PRKG1: variants seen among roughly 807,000 people sequenced by gnomAD.
PRKG1 encodes cGMP-dependent protein kinase 1.
PRKG1 carries 35 observed loss-of-function variants against 88.1 expected under a neutral mutation model. That is an observed-to-expected ratio of 0.40 (90% CI 0.30 to 0.53). The LOEUF (loss-of-function observed/expected upper bound fraction) is 0.53, where lower values mean the gene tolerates loss of function less well. PRKG1 is among the 20% of genes least tolerant of loss of function. The probability of loss-of-function intolerance (pLI) is 0.59; values close to 1 mark genes in which losing one functional copy is unlikely to be tolerated. For missense variants in PRKG1, 540 were observed against 839.8 expected (o/e 0.64, Z 4.41); for synonymous variants, 303 against 292.5 (o/e 1.04, Z -0.37).
At chr10:51,084,625 A>G (rs1242394925) in intron 1 of PRKG1, among the ~76,000 whole-genome samples, 2 of 152,206 alleles carry the variant, frequency 1.3e-5, no homozygotes, top group African/African-American at 4.8e-5. Flanking sequence ...GGCATAAAAC[A>G]TGAGTAAATA....
chr10:51,921,454 T>C (rs1191249049), intron 5 of PRKG1, among the ~76,000 whole-genome samples: 2 of 152,134 alleles, frequency 1.3e-5, no homozygotes, highest in Non-Finnish European at 2.9e-5. Context: ...TAATGCTGAA[T>C]AGGAGTGGTG....
chr10:52,030,694 T>C (rs966411737), intron 5 of PRKG1, among the ~76,000 whole-genome samples: 5 of 152,164 alleles, frequency 3.3e-5, no homozygotes, highest in African/African-American at 7.2e-5. Context: ...AGTTATCACA[T>C]AGGACACGAC....
intron 8 of PRKG1, among the ~76,000 whole-genome samples, chr10:52,139,469 A>G (rs1253388334): frequency 6.6e-6 from 1 of 151,904 alleles, no homozygotes; most frequent in Non-Finnish European, 1.5e-5. Context: ...GTCTTCCTCC[A>G]TTTCCTGTTA....
intron 9 of PRKG1, among the ~76,000 whole-genome samples, chr10:52,226,592 C>T (rs1260392378): frequency 6.6e-6 from 1 of 152,038 alleles, no homozygotes; most frequent in Non-Finnish European, 1.5e-5. Flanking sequence ...TGTGTCATAA[C>T]CAGACATACA....
At chr10:51,074,409 C>T (rs1843890759), upstream of PRKG1, 1 of 1,431,552 alleles carries the variant, frequency 7.0e-7, no homozygotes, top group South Asian at 1.5e-5. Flanking sequence ...TGCACTGAAA[C>T]TCTGGGTGGC....
At chr10:52,115,378 G>C (rs1246495841) in intron 7 of PRKG1, among the ~76,000 whole-genome samples, 1 of 152,068 alleles carries the variant, frequency 6.6e-6, no homozygotes, top group Admixed American at 6.6e-5. Context: ...TCGCAAAGGT[G>C]ATAGTCTTAT....
At chr10:52,272,133 G>T (rs1432633339) in intron 11 of PRKG1, among the ~76,000 whole-genome samples, 1 of 152,046 alleles carries the variant, frequency 6.6e-6, no homozygotes. Context: ...GGAATGGAAA[G>T]AATCCCAAGA....
At chr10:51,145,267 T>C (rs1845916883) in intron 1 of PRKG1, among the ~76,000 whole-genome samples, 1 of 152,178 alleles carries the variant, frequency 6.6e-6, no homozygotes, top group South Asian at 2.1e-4. Flanking sequence ...TTCTGAGAAA[T>C]TTCAATTATT....
chr10:51,946,615 TGG>T (rs1306904168), intron 5 of PRKG1, among the ~76,000 whole-genome samples: 1 of 152,058 alleles, frequency 6.6e-6, no homozygotes, highest in Non-Finnish European at 1.5e-5. Context: ...TCTTTGATGA[TGG>T]TGATGTACAG....
chr10:51,912,732 A>C (rs1842246471), intron 5 of PRKG1, among the ~76,000 whole-genome samples: 1 of 152,114 alleles, frequency 6.6e-6, no homozygotes, highest in African/African-American at 2.4e-5. Context: ...AAAATAAAAA[A>C]TAAAGGATTT....
intron 12 of PRKG1, among the ~76,000 whole-genome samples, chr10:52,279,282 C>T (rs1489518780): frequency 1.3e-5 from 2 of 152,160 alleles, no homozygotes; most frequent in African/African-American, 4.8e-5. Flanking sequence ...TTTGTTTCCT[C>T]ATATGGATGC....
chr10:51,056,721 T>G (rs570411822), intron 1 of PRKG1, among the ~76,000 whole-genome samples: 1 of 152,296 alleles, frequency 6.6e-6, no homozygotes, highest in Non-Finnish European at 1.5e-5. Flanking sequence ...TTTGTCAGTT[T>G]GACATTCCAA....
intron 4 of PRKG1, among the ~76,000 whole-genome samples, chr10:51,808,372 G>A (rs979471617): frequency 6.6e-6 from 1 of 152,034 alleles, no homozygotes; most frequent in African/African-American, 2.4e-5. Context: ...CAAAGTGGGC[G>A]GATTGTTTGA....
At position 52,201,426 on chromosome 10, in the gene PRKG1, A is replaced by G. The variant is rs551284003; in HGVS notation, c.1076+39463A>G. Among the ~76,000 whole-genome samples, 347 of 152,152 alleles carry G rather than the reference A, an allele frequency of 2.3e-3. 1 individual carries two copies. The highest frequency in any genetic ancestry group is 8.1e-3 in the African/African-American group (337 of 41,514). Reference sequence around the variant, plus strand: ...TATTTGTTTATTTGTCTGTTTTTGTACTAGCACCATGCTGTTTTGGTTACT... The same window carrying G: ...TATTTGTTTATTTGTCTGTTTTTGTGCTAGCACCATGCTGTTTTGGTTACT... On this transcript the variant is annotated intron_variant, in intron 9 of 17. Coordinates refer to ENST00000373980, the MANE Select transcript of PRKG1 (RefSeq NM_006258.4).
In PRKG1 at chr10:52,251,578, C is replaced by A. The variant is rs768826890; in HGVS notation, c.1085C>A (p.Ala362Asp). 1 of 1,613,400 alleles carries A rather than the reference C, an allele frequency of 6.2e-7. No individual in the cohort carries two copies. The change falls in exon 10 of 18, where the codon GCT becomes GAT. Residue 362 changes from alanine to aspartate, a missense_variant. Physicochemically the swap from Ala to Asp is moderately radical, Grantham distance 126. Around this residue, in one of 5 missense-constraint regions of PRKG1, gnomAD observed 400 missense variants for 562.7 expected, o/e 0.71. Transcript: ENST00000373980. ...EDAEAKAKYE[A>D]EAAFFANLKL... ...CACATCAAAAAATCCAGATATGAAG[C>A]TGAAGCGGCTTTCTTCGCCAACCTG...
intron 9 of PRKG1, among the ~76,000 whole-genome samples, chr10:52,163,978 C>T (rs1426517884): frequency 6.6e-6 from 1 of 152,132 alleles, no homozygotes; most frequent in Non-Finnish European, 1.5e-5. Context: ...GCCTAACTCT[C>T]AATCTCAGTT....
At chr10:51,337,104 C>T (rs908255392) in intron 2 of PRKG1, among the ~76,000 whole-genome samples, 2 of 152,094 alleles carry the variant, frequency 1.3e-5, no homozygotes, top group African/African-American at 4.8e-5. Flanking sequence ...AGGAATAAGA[C>T]CACTCCTCTA....
At chr10:51,959,721 A>T (rs1843399468) in intron 5 of PRKG1, among the ~76,000 whole-genome samples, 1 of 152,080 alleles carries the variant, frequency 6.6e-6, no homozygotes, top group Non-Finnish European at 1.5e-5. Context: ...TGACTGATGA[A>T]ATGTCAGAGG....
At chr10:51,248,403 T>C (rs1222626198) in intron 2 of PRKG1, among the ~76,000 whole-genome samples, 1 of 151,892 alleles carries the variant, frequency 6.6e-6, no homozygotes, top group Non-Finnish European at 1.5e-5. Flanking sequence ...ATTAATGTTT[T>C]ATTAAAAAAA....
Sources: gnomAD v4.1 joint callset for allele counts (sites outside exome capture counted in the v4.1 genomes callset) on GRCh38, gnomAD v4.1.1 for gene constraint, gnomAD v4.1.1 regional missense constraint, MANE v1.5 for transcripts, NCBI Gene and HGNC (gene_info 2026-07-23, HGNC 2026-07-21) for gene names.